The following EIF4G3 variants were observed in gnomAD, a reference collection of about 807,000 sequenced individuals.
The protein encoded by EIF4G3 is eIF-4-gamma 3.
EIF4G3 carries 34 observed loss-of-function variants against 186.4 expected under a neutral mutation model. The ratio of observed to expected loss-of-function variants is 0.18; its 90% confidence interval spans 0.14 to 0.24. The LOEUF (loss-of-function observed/expected upper bound fraction) is 0.24. Among genes scored for constraint, EIF4G3 ranks in the 10% least tolerant of loss-of-function variants. The probability of loss-of-function intolerance (pLI) is 1.00; values close to 1 mark genes in which losing one functional copy is unlikely to be tolerated. For missense variants in EIF4G3, 1,536 were observed against 1,948.5 expected, an observed-to-expected ratio of 0.79 and a Z score of 3.99; for synonymous variants, 673 against 679.5, an observed-to-expected ratio of 0.99 and a Z score of 0.15.
intron 2 of EIF4G3, among the ~76,000 whole-genome samples, chr1:21,125,233 A>T (rs1302418431): frequency 6.6e-6 from 1 of 152,204 alleles, no homozygotes; most frequent in Non-Finnish European, 1.5e-5. Context: ...AAGCTTTTAA[A>T]AAGATGAGAG....
At chr1:21,052,438 C>A (rs2094277232) in intron 3 of EIF4G3, among the ~76,000 whole-genome samples, 1 of 152,190 alleles carries the variant, frequency 6.6e-6, no homozygotes, top group Admixed American at 6.5e-5. Context: ...ATACAGACTT[C>A]TCAGAATCGT....
chr1:20,935,995 T>A (rs904513897), intron 14 of EIF4G3, among the ~76,000 whole-genome samples: 4 of 152,170 alleles, frequency 2.6e-5, no homozygotes, highest in Non-Finnish European at 4.4e-5. Flanking sequence ...ACTAAGTTAA[T>A]ACCCAATGAC....
At chr1:20,850,040 C>A (rs2072767443) in intron 28 of EIF4G3, among the ~76,000 whole-genome samples, 1 of 152,158 alleles carries the variant, frequency 6.6e-6, no homozygotes, top group Non-Finnish European at 1.5e-5. Flanking sequence ...AAGGAAACCT[C>A]CCCTTGCCCC....
At chr1:20,852,812 T>C (rs1295656034) in intron 27 of EIF4G3, among the ~76,000 whole-genome samples, 4 of 152,178 alleles carry the variant, frequency 2.6e-5, no homozygotes, top group African/African-American at 4.8e-5. Context: ...GTGCTAACTA[T>C]ACTTTGTTTC....
At chr1:20,807,910 C>T (rs547299185) in intron 36 of EIF4G3, among the ~76,000 whole-genome samples, 4 of 151,142 alleles carry the variant, frequency 2.6e-5, no homozygotes, top group Admixed American at 2.6e-4. Context: ...TTATAGGCGC[C>T]TGCCTGGGTT....
At position 20,865,188 on chromosome 1, in the gene EIF4G3, C is replaced by A. The variant is rs199672503; in HGVS notation, c.2697G>T (p.Lys899Asn). Residue 899 changes from lysine (K) to asparagine (N), a missense_variant, in exon 21 of 37, where the codon AAG (lysine) becomes AAT (asparagine). Lys to Asn is a moderately conservative substitution (Grantham distance 94). This residue lies in a region of EIF4G3 where 77 missense variants were observed against 131.6 expected (regional missense o/e 0.59). Transcript: ENST00000602326. ...CATCTGCTTTATCTTTTTCAAACTC[C>A]TTCTGGCAACGGTTCAGTAGCAGCT... Reference protein sequence around the residue: ...FRKLLLNRCQKEFEKDKADDD... With the variant: ...FRKLLLNRCQNEFEKDKADDD... The A allele has an allele frequency of 5.0e-6, 8 of 1,614,034 alleles. No individual in the cohort carries two copies. The highest frequency in any genetic ancestry group is 6.8e-6 in the Non-Finnish European group (8 of 1,180,030).
intron 14 of EIF4G3, among the ~76,000 whole-genome samples, chr1:20,921,268 A>G (rs1338162307): frequency 6.6e-6 from 1 of 152,262 alleles, no homozygotes; most frequent in Non-Finnish European, 1.5e-5. Flanking sequence ...ATTTTGATGT[A>G]GAATTTAAAG....
chr1:20,954,875 T>C (rs1434833770), intron 12 of EIF4G3, among the ~76,000 whole-genome samples: 1 of 152,232 alleles, frequency 6.6e-6, no homozygotes, highest in Non-Finnish European at 1.5e-5. Flanking sequence ...TCTGGGGTTC[T>C]GACTTTGTGA....
Position 20,997,608 on chromosome 1 carries a change from T to C in EIF4G3, c.170A>G (p.His57Arg), listed in dbSNP as rs1183343996. The C allele has an allele frequency of 1.9e-6, 3 of 1,548,180 alleles. No individual in the cohort carries two copies. The highest frequency in any genetic ancestry group is 2.0e-5 in the Admixed American group (1 of 50,590). Residue 57 changes from histidine to arginine, a missense_variant, in exon 7 of 37, where the codon CAT becomes CGT. By Grantham distance (29) the His-to-Arg change is conservative. This residue lies in a region of EIF4G3 where 194 missense variants were observed against 212.8 expected (regional missense o/e 0.91). Transcript: ENST00000602326. ...CIFAAGPRPP[H>R]HQGGFRPIQF... ...GGGGCAAGGGTACAGTACCTGATGA[T>C]GGGGAGGTCGAGGCCCCGCTGCAAA... is the stretch of plus-strand genomic sequence containing the variant.
At chr1:20,857,344 G>T in intron 25 of EIF4G3, 59 bp downstream of exon 25, 3 of 1,294,276 alleles carry the variant, frequency 2.3e-6, no homozygotes, top group Non-Finnish European at 3.4e-6. Context: ...GTGTGTGTGT[G>T]TTTTAATATC....
intron 2 of EIF4G3, among the ~76,000 whole-genome samples, chr1:21,131,451 G>GA (rs767743509): frequency 0.013 from 1,144 of 85,188 alleles, 7 homozygotes; most frequent in African/African-American, 0.028. Context: ...GAATTTTCCA[G>GA]AAAAAAAAAA....
rs372474155 is a variant in EIF4G3 at position 20,966,402 on chromosome 1, C to T, written c.714+3072G>A. ...GCTATTTTGTTAAGGAAATTAGTTG[C>T]CAATATTTATAACTTGCAGCTTTTT... On this transcript the variant is annotated intron_variant, in intron 12 of 36. Coordinates refer to ENST00000602326, the MANE Select transcript of EIF4G3 (RefSeq NM_001391906.1). Among the ~76,000 whole-genome samples, 8 of 152,098 alleles carry T rather than the reference C, an allele frequency of 5.3e-5. No homozygotes were observed. The East Asian group carries it at 1.4e-3, about 26-fold the overall frequency.
intron 28 of EIF4G3, among the ~76,000 whole-genome samples, chr1:20,850,627 T>C (rs1212502820): frequency 6.6e-6 from 1 of 152,254 alleles, no homozygotes; most frequent in African/African-American, 2.4e-5. Flanking sequence ...GAAAACCTTG[T>C]ATTTATCACG....
At chr1:21,127,020 G>A (rs988677768) in intron 2 of EIF4G3, among the ~76,000 whole-genome samples, 1 of 152,026 alleles carries the variant, frequency 6.6e-6, no homozygotes. Context: ...GTCTCACTTT[G>A]TTGCCAGGCC....
chr1:20,854,952 G>A, intron 26 of EIF4G3, 26 bp downstream of exon 26: 1 of 1,595,236 alleles, frequency 6.3e-7, no homozygotes, highest in Non-Finnish European at 8.6e-7. Context: ...CCACAGCCAG[G>A]TTTGAGAAGG....
chr1:20,900,083 A>C lies in EIF4G3; in HGVS notation c.1753-140T>G, dbSNP rs936273190. On this transcript the variant is annotated intron_variant, in intron 15 of 36. Coordinates refer to ENST00000602326, the MANE Select transcript of EIF4G3 (RefSeq NM_001391906.1). ...ATGTCTGTGTTCAGCATGTGGTATT[A>C]GAATGCTGAGTTTAAAAAAAATACT... The C allele has an allele frequency of 3.4e-6, 3 of 884,362 alleles. No homozygotes were observed. The African/African-American group carries it at 5.0e-5, about 15-fold the overall frequency. The allele number at this position is 884,362 out of a possible 1,614,324, so 54.8% of individuals were successfully genotyped here.
intron 7 of EIF4G3, among the ~76,000 whole-genome samples, chr1:20,992,728 T>C (rs1408601022): frequency 3.3e-5 from 5 of 152,218 alleles, no homozygotes; most frequent in South Asian, 4.1e-4. Flanking sequence ...TTCCCTGGTC[T>C]TTCTCATAAT....
At chr1:20,816,799 A>G (rs1309307069) in intron 34 of EIF4G3, among the ~76,000 whole-genome samples, 2 of 92,402 alleles carry the variant, frequency 2.2e-5, no homozygotes, top group African/African-American at 3.8e-5. Context: ...GTGGAATAGA[A>G]AGGCGGGAAG....
Position 20,849,514 on chromosome 1 carries a change from T to C in EIF4G3, c.3789A>G (p.Ser1263=). The C allele has an allele frequency of 6.5e-7, 1 of 1,537,986 alleles. No homozygotes were observed. The highest frequency in any genetic ancestry group is 8.7e-7 in the Non-Finnish European group (1 of 1,149,072). Residue 1263 remains serine, a synonymous_variant, in exon 29 of 37, where the codon TCA becomes TCG. Transcript: ENST00000602326. ...CAGCCTTGTCATGAGCTGACATTGC[T>C]GAAATTTCTGGTTTTGCTATTAGTG... ...KTRESAKPEI[S]AMSAHDKAAL...
Sources: allele counts gnomAD v4.1 joint callset (sites outside exome capture counted in the v4.1 genomes callset), GRCh38; gene constraint gnomAD v4.1.1; regional missense constraint gnomAD v4.1.1; transcripts MANE v1.5; gene names NCBI Gene and HGNC (gene_info 2026-07-23, HGNC 2026-07-21).